RASAL2: variants seen among roughly 807,000 people sequenced by gnomAD.
The protein encoded by RASAL2 is ras GTPase-activating protein nGAP.
Under a neutral mutation model 128.9 loss-of-function variants are expected in RASAL2, and 58 were observed. That is an observed-to-expected ratio of 0.45 (90% confidence interval 0.36 to 0.56). The LOEUF (loss-of-function observed/expected upper bound fraction) is 0.56, where lower values mean the gene tolerates loss of function less well. RASAL2 is among the 20% of genes least tolerant of loss of function. The probability of loss-of-function intolerance (pLI) is 0.00; values close to 1 mark genes in which losing one functional copy is unlikely to be tolerated. For synonymous variants in RASAL2, 561 were observed against 580.8 expected, an observed-to-expected ratio of 0.97 and a Z score of 0.49; for missense variants, 1,360 against 1,601.6, an observed-to-expected ratio of 0.85 and a Z score of 2.57.
At chr1:178,395,024 T>C (rs1290878826) in intron 4 of RASAL2, among the ~76,000 whole-genome samples, 2 of 152,186 alleles carry the variant, frequency 1.3e-5, no homozygotes, top group East Asian at 3.9e-4. Context: ...TAAGATCCTA[T>C]GTAAGTGTTT....
chr1:178,442,652 T>A (rs1380325449), intron 7 of RASAL2, 23 bp from the exon 8 acceptor site: 3 of 1,555,212 alleles, frequency 1.9e-6, no homozygotes, highest in Non-Finnish European at 2.6e-6. Flanking sequence ...GCTCTGAAAT[T>A]CAGCTTTGTT....
At position 178,456,747 on chromosome 1, in the gene RASAL2, C is replaced by G. The variant is rs1252708746; in HGVS notation, c.2238C>G (p.Leu746=). Residue 746 remains leucine (L), a synonymous_variant, in exon 13 of 18, where the codon CTC becomes CTG. Coordinates refer to ENST00000367649, the MANE Select transcript of RASAL2 (RefSeq NM_170692.4). ...CGACCGTGGCAAAATTGGGGCCTCT[C>G]CCTCGTGTTCTTGCTGATATTACCA... ...DKATVAKLGP[L]PRVLADITKS... is the part of the protein sequence containing the mutation. 6.2e-7 allele frequency: 1 copy of G among 1,614,008 alleles called. No homozygotes were observed. Among genetic ancestry groups the G allele is most frequent in the African/African-American group, 1.3e-5 (1 of 74,890 alleles).
At chr1:178,136,778 A>G (rs1035526433) in intron 1 of RASAL2, among the ~76,000 whole-genome samples, 1 of 150,080 alleles carries the variant, frequency 6.7e-6, no homozygotes, top group Non-Finnish European at 1.5e-5. Flanking sequence ...AAAAAAAAAA[A>G]AAAAAAAAGA....
At position 178,288,871 on chromosome 1, in the gene RASAL2, G is replaced by A. The variant is rs187055251; in HGVS notation, c.330+5180G>A. Reference sequence around the variant, plus strand: ...TCACCATGTTGGCCAGGCTGGACTCGAACTCCTCACCTCAGGTGATCCACC... The same window carrying A: ...TCACCATGTTGGCCAGGCTGGACTCAAACTCCTCACCTCAGGTGATCCACC... On this transcript the variant is annotated intron_variant, in intron 2 of 17. Transcript: ENST00000367649. 3.4e-3 allele frequency among the ~76,000 whole-genome samples: 516 copies of A among 151,608 alleles called. 4 individuals are homozygous for A. Among genetic ancestry groups the A allele is most frequent in the African/African-American group, 0.012 (498 of 41,362 alleles).
chr1:178,242,606 A>ATTC (rs1351627220), intron 1 of RASAL2, among the ~76,000 whole-genome samples: 1 of 151,988 alleles, frequency 6.6e-6, no homozygotes, highest in Admixed American at 6.6e-5. Context: ...GCCCACTTAC[A>ATTC]TTCTTGAATC....
intron 1 of RASAL2, among the ~76,000 whole-genome samples, chr1:178,124,299 G>A (rs776136760): frequency 5.3e-5 from 8 of 152,140 alleles, no homozygotes; most frequent in Non-Finnish European, 1.0e-4. Context: ...GACAAAGTCT[G>A]CAGACATTTT....
At chr1:178,188,546 A>C (rs968253112) in intron 1 of RASAL2, among the ~76,000 whole-genome samples, 2 of 152,186 alleles carry the variant, frequency 1.3e-5, no homozygotes, top group African/African-American at 4.8e-5. Flanking sequence ...GGATGATGGC[A>C]GTTTCATTTT....
chr1:178,105,294 T>C (rs993911611), intron 1 of RASAL2, among the ~76,000 whole-genome samples: 3 of 152,210 alleles, frequency 2.0e-5, no homozygotes, highest in Admixed American at 6.5e-5. Flanking sequence ...AAAAATCATA[T>C]TTTATATAGA....
intron 5 of RASAL2, among the ~76,000 whole-genome samples, chr1:178,433,226 C>T (rs1341697822): frequency 6.6e-6 from 1 of 151,994 alleles, no homozygotes; most frequent in Non-Finnish European, 1.5e-5. Context: ...ATCTCCACAC[C>T]TGCATATAGT....
intron 16 of RASAL2, among the ~76,000 whole-genome samples, 179 bp from the exon 17 acceptor site, chr1:178,467,154 GA>G (rs1292568393): frequency 6.6e-6 from 1 of 152,160 alleles, no homozygotes; most frequent in African/African-American, 2.4e-5. Flanking sequence ...AAATGTGTGG[GA>G]TCCAGGCACA....
At chr1:178,270,227 GAC>G (rs1449765112) in intron 1 of RASAL2, among the ~76,000 whole-genome samples, 2 of 151,694 alleles carry the variant, frequency 1.3e-5, no homozygotes, top group Non-Finnish European at 2.9e-5. Context: ...AATTTTGCTG[GAC>G]ACTCGGGTTT....
At chr1:178,143,198 TTTAA>T (rs1435142414) in intron 1 of RASAL2, among the ~76,000 whole-genome samples, 1 of 151,726 alleles carries the variant, frequency 6.6e-6, no homozygotes, top group Non-Finnish European at 1.5e-5. Context: ...GTAATGTATA[TTTAA>T]TTATCTTTGA....
intron 4 of RASAL2, among the ~76,000 whole-genome samples, chr1:178,394,957 C>G (rs1673124925): frequency 6.6e-6 from 1 of 152,176 alleles, no homozygotes; most frequent in Non-Finnish European, 1.5e-5. Context: ...AGAAATGTGT[C>G]TTAAGTATCG....
At chr1:178,119,867 C>G (rs1448792596) in intron 1 of RASAL2, among the ~76,000 whole-genome samples, 1 of 152,128 alleles carries the variant, frequency 6.6e-6, no homozygotes, top group Non-Finnish European at 1.5e-5. Flanking sequence ...TGGTGCTAGC[C>G]AAAAGAGGAA....
intron 3 of RASAL2, among the ~76,000 whole-genome samples, chr1:178,375,280 G>A (rs1046347043): frequency 6.6e-6 from 1 of 152,110 alleles, no homozygotes; most frequent in African/African-American, 2.4e-5. Flanking sequence ...ATGTAAAGAA[G>A]TAATGAGAGA....
At chr1:178,431,179 G>A (rs910670579) in intron 5 of RASAL2, among the ~76,000 whole-genome samples, 34 of 151,884 alleles carry the variant, frequency 2.2e-4, no homozygotes, top group Non-Finnish European at 4.3e-4. Context: ...AAACTGGGGG[G>A]AAATAATTAT....
chr1:178,422,891 A>G (rs1675252564), intron 5 of RASAL2, among the ~76,000 whole-genome samples: 1 of 152,076 alleles, frequency 6.6e-6, no homozygotes, highest in Non-Finnish European at 1.5e-5. Context: ...TGGAGGGGGA[A>G]AAGTTTCAGT....
intron 3 of RASAL2, among the ~76,000 whole-genome samples, chr1:178,336,603 A>G (rs1314236752): frequency 6.6e-6 from 1 of 151,876 alleles, no homozygotes; most frequent in Non-Finnish European, 1.5e-5. Context: ...ATGTATATGT[A>G]TAATTATGTA....
intron 1 of RASAL2, among the ~76,000 whole-genome samples, chr1:178,170,966 C>T (rs191072153): frequency 5.3e-5 from 8 of 151,766 alleles, no homozygotes; most frequent in East Asian, 3.9e-4. Flanking sequence ...ATGGGGGCAC[C>T]GAATTCATTT....
Sources: gnomAD v4.1 joint callset for allele counts (sites outside exome capture counted in the v4.1 genomes callset) on GRCh38, gnomAD v4.1.1 for gene constraint, MANE v1.5 for transcripts, NCBI Gene and HGNC (gene_info 2026-07-23, HGNC 2026-07-21) for gene names.